BBOX1: variants seen among roughly 807,000 people sequenced by gnomAD.
BBOX1 encodes gamma-butyrobetaine hydroxylase 1, also known as gamma-butyrobetaine dioxygenase.
BBOX1 carries 35 observed loss-of-function variants against 41.6 expected under a neutral mutation model. The observed-to-expected ratio is 0.84, with a 90% confidence interval of 0.64 to 1.11. The LOEUF (loss-of-function observed/expected upper bound fraction) is 1.11. BBOX1 is among the 50% of genes most tolerant of loss of function. BBOX1 has a pLI of 0.00. For missense variants in BBOX1, 458 were observed against 460.6 expected (o/e 0.99, Z 0.05); for synonymous variants, 163 against 154.7 (o/e 1.05, Z -0.40).
intron 7 of BBOX1, 37 bp downstream of exon 7, chr11:27,119,882 G>T (rs765867776): frequency 3.3e-6 from 4 of 1,222,174 alleles, no homozygotes; most frequent in South Asian, 2.9e-5. Context: ...AGCAATAAAA[G>T]AATTGACAAC....
intron 5 of BBOX1, among the ~76,000 whole-genome samples, chr11:27,095,233 G>A (rs1186571588): frequency 6.6e-6 from 1 of 151,926 alleles, no homozygotes; most frequent in Non-Finnish European, 1.5e-5. Flanking sequence ...TTTATTTGCT[G>A]ACAACAAACT....
chr11:27,079,584 A>G (rs1857761027), intron 4 of BBOX1, among the ~76,000 whole-genome samples: 1 of 152,182 alleles, frequency 6.6e-6, no homozygotes, highest in African/African-American at 2.4e-5. Context: ...GAGGAATCAC[A>G]GTCTTTAAGC....
Position 27,093,206 on chromosome 11 carries a change from T to A in BBOX1, c.373T>A (p.Leu125Met). The change falls in exon 5 of 9, where the codon TTG becomes ATG. Residue 125 changes from leucine (L) to methionine (M), a missense_variant. Transcript: ENST00000263182. ...YWGSELQLPTLDFEDVLRYDE... is the reference protein window; with the variant it reads ...YWGSELQLPTMDFEDVLRYDE... ...GGGCTCAGAGCTCCAGCTACCCACT[T>A]TGGATTTTGAAGATGTTTTAAGATA... The A allele has an allele frequency of 6.2e-7, 1 of 1,612,262 alleles. No homozygotes were observed. The highest frequency in any genetic ancestry group is 8.5e-7 in the Non-Finnish European group (1 of 1,178,878).
chr11:27,082,874 A>G lies in BBOX1; in HGVS notation c.335-10294A>G, dbSNP rs370356567. Among the ~76,000 whole-genome samples the G allele has an allele frequency of 6.1e-4, 93 of 152,216 alleles. 1 individual carries two copies. The Middle Eastern group carries it at 0.01, about 17-fold the overall frequency. ...GATGGTCATTCCAGTCATAAGCGTG[A>G]GTATACAGACTATGTTAGTATTAGT... On this transcript the variant is annotated intron_variant, in intron 4 of 8. Coordinates refer to ENST00000263182, the MANE Select transcript of BBOX1 (RefSeq NM_003986.3).
intron 4 of BBOX1, among the ~76,000 whole-genome samples, chr11:27,058,075 G>A (rs996471977): frequency 1.3e-5 from 2 of 152,140 alleles, no homozygotes; most frequent in African/African-American, 4.8e-5. Context: ...TTCATTCTCT[G>A]CCTATTTTGA....
At chr11:27,044,080 T>C (rs2133939354) in intron 2 of BBOX1, among the ~76,000 whole-genome samples, 1 of 152,308 alleles carries the variant, frequency 6.6e-6, no homozygotes, top group Middle Eastern at 3.4e-3. Flanking sequence ...AGTGTTCCTA[T>C]TTCTCCACAT....
At chr11:27,106,778 A>C (rs2134075025) in intron 5 of BBOX1, among the ~76,000 whole-genome samples, 1 of 152,306 alleles carries the variant, frequency 6.6e-6, no homozygotes, top group Middle Eastern at 3.4e-3. Flanking sequence ...AAATCAACAG[A>C]ATATACATTC....
At chr11:27,071,689 A>ATG (rs1857456730) in intron 4 of BBOX1, among the ~76,000 whole-genome samples, 1 of 151,980 alleles carries the variant, frequency 6.6e-6, no homozygotes, top group African/African-American at 2.4e-5. Context: ...CTGGCAAACC[A>ATG]AATCCAGCAG....
chr11:27,050,401 T>C (rs2133950876), intron 2 of BBOX1, among the ~76,000 whole-genome samples: 1 of 152,198 alleles, frequency 6.6e-6, no homozygotes, highest in South Asian at 2.1e-4. Context: ...GTCATTGGAG[T>C]TTTGATAGTA....
At chr11:27,076,086 G>A (rs566475197) in intron 4 of BBOX1, among the ~76,000 whole-genome samples, 32 of 152,248 alleles carry the variant, frequency 2.1e-4, no homozygotes, top group Middle Eastern at 3.4e-3. Flanking sequence ...TTCACTCTCC[G>A]CCTAGGAGTA....
chr11:27,050,910 T>G (rs1851651234), intron 2 of BBOX1, among the ~76,000 whole-genome samples: 1 of 152,090 alleles, frequency 6.6e-6, no homozygotes, highest in African/African-American at 2.4e-5. Context: ...CTTGTCTTGT[T>G]CCCAATCTTA....
intron 2 of BBOX1, among the ~76,000 whole-genome samples, chr11:27,045,216 T>C (rs1851455220): frequency 6.6e-6 from 1 of 152,184 alleles, no homozygotes; most frequent in Non-Finnish European, 1.5e-5. Flanking sequence ...CACTCATGAT[T>C]TGGCTCTCTG....
chr11:27,110,882 C>A (rs1214947462), intron 5 of BBOX1, among the ~76,000 whole-genome samples: 1 of 151,820 alleles, frequency 6.6e-6, no homozygotes, highest in Admixed American at 6.6e-5. Context: ...TAACAGCAAT[C>A]AAATGGCATG....
rs543788019 is a variant in BBOX1 at position 27,058,475 on chromosome 11, A to G, written c.334+1160A>G. Among the ~76,000 whole-genome samples, 9 of 152,354 alleles carry G rather than the reference A, an allele frequency of 5.9e-5. No individual in the cohort carries two copies. In the South Asian group the frequency reaches 6.2e-4, roughly 11 times the overall value. On this transcript the variant is annotated intron_variant, in intron 4 of 8. Transcript: ENST00000263182. ...AGCTTTGGAACTGGGTAACAGGCAA[A>G]TGTTGGAAGAGTTTGGAGAGCTCAG... is the stretch of plus-strand genomic sequence containing the variant.
chr11:27,123,990 A>G (rs1859556454), intron 7 of BBOX1, among the ~76,000 whole-genome samples: 1 of 152,218 alleles, frequency 6.6e-6, no homozygotes, highest in Admixed American at 6.5e-5. Context: ...CCCAATAAGC[A>G]AAGAATTGGT....
At chr11:27,085,555 A>ATCTCTCTCTCTCTCTCTCTCTC (rs59696795) in intron 4 of BBOX1, among the ~76,000 whole-genome samples, 1 of 134,754 alleles carries the variant, frequency 7.4e-6, no homozygotes, top group African/African-American at 2.6e-5. Context: ...ACATTCCCCC[A>ATCTCTCTCTCTCTCTCTCTCTC]TCTCTCTCTC....
chr11:27,081,792 T>A (rs1365469943), intron 4 of BBOX1, among the ~76,000 whole-genome samples: 3 of 152,182 alleles, frequency 2.0e-5, no homozygotes, highest in Non-Finnish European at 2.9e-5. Flanking sequence ...TGATTTGCAT[T>A]TCACTAATGA....
intron 2 of BBOX1, among the ~76,000 whole-genome samples, chr11:27,051,522 G>T (rs1282408912): frequency 6.6e-6 from 1 of 151,856 alleles, no homozygotes. Flanking sequence ...ATTCTGTTCA[G>T]ATTTTCTATT....
intron 4 of BBOX1, among the ~76,000 whole-genome samples, chr11:27,081,508 A>G (rs1196776835): frequency 6.6e-5 from 10 of 152,184 alleles, no homozygotes; most frequent in Non-Finnish European, 1.3e-4. Context: ...TAGTGCCACA[A>G]TAAACATACG....
Sources: allele counts gnomAD v4.1 joint callset (sites outside exome capture counted in the v4.1 genomes callset), GRCh38; gene constraint gnomAD v4.1.1; transcripts MANE v1.5; gene names NCBI Gene and HGNC (gene_info 2026-07-23, HGNC 2026-07-21).